The following STX8 variants were observed in gnomAD, a reference collection of about 807,000 sequenced individuals.
The protein encoded by STX8 is syntaxin-8.
In STX8, 23 loss-of-function variants were observed where a neutral mutation model predicts 37.5. The ratio of observed to expected loss-of-function variants is 0.61; its 90% CI spans 0.44 to 0.87. The LOEUF is 0.87. Among genes scored for constraint, STX8 ranks in the 40% least tolerant of loss-of-function variants. The pLI is 0.00. For missense variants in STX8, 313 were observed against 284.7 expected (o/e 1.10, Z -0.71); for synonymous variants, 115 against 99.1 (o/e 1.16, Z -0.95).
chr17:9,315,841 G>A (rs1909365853), intron 7 of STX8, among the ~76,000 whole-genome samples: 1 of 152,012 alleles, frequency 6.6e-6, no homozygotes, highest in Non-Finnish European at 1.5e-5. Context: ...GTGAAACGCT[G>A]TCTCTACTAA....
At chr17:9,301,979 A>C (rs1908805111) in intron 7 of STX8, among the ~76,000 whole-genome samples, 1 of 152,144 alleles carries the variant, frequency 6.6e-6, no homozygotes, top group Admixed American at 6.5e-5. Flanking sequence ...TCTTTTCTGT[A>C]TTCTGAAATA....
intron 1 of STX8, among the ~76,000 whole-genome samples, chr17:9,570,916 G>A (rs1190876005): frequency 6.6e-6 from 1 of 152,170 alleles, no homozygotes; most frequent in Non-Finnish European, 1.5e-5. Context: ...ACAGGAGGGA[G>A]GAGCACATTC....
At chr17:9,286,036 G>C (rs1908060147) in intron 7 of STX8, among the ~76,000 whole-genome samples, 1 of 151,650 alleles carries the variant, frequency 6.6e-6, no homozygotes, top group Non-Finnish European at 1.5e-5. Flanking sequence ...ACTTGGTAAG[G>C]CTTAAAAAAA....
chr17:9,450,101 T>C (rs1033122917), intron 6 of STX8, among the ~76,000 whole-genome samples: 4 of 151,860 alleles, frequency 2.6e-5, no homozygotes, highest in Non-Finnish European at 4.4e-5. Flanking sequence ...TTTTTTGAGA[T>C]GGAGTCTCGC....
intron 6 of STX8, 42 bp from the exon 7 acceptor site, chr17:9,378,695 C>A (rs189359527): frequency 1.4e-6 from 2 of 1,426,186 alleles, no homozygotes; most frequent in South Asian, 2.3e-5. Context: ...TGAAATACCC[C>A]GGTTCACATC....
intron 6 of STX8, among the ~76,000 whole-genome samples, chr17:9,393,882 T>C (rs1197537973): frequency 6.6e-6 from 1 of 152,182 alleles, no homozygotes; most frequent in African/African-American, 2.4e-5. Flanking sequence ...TCTGGAGCAA[T>C]GGAATGGTTC....
At chr17:9,458,922 C>T (rs1229450308) in intron 6 of STX8, among the ~76,000 whole-genome samples, 1 of 151,186 alleles carries the variant, frequency 6.6e-6, no homozygotes, top group African/African-American at 2.4e-5. Context: ...CTCCACCTCC[C>T]GGGTTCACGC....
intron 6 of STX8, among the ~76,000 whole-genome samples, chr17:9,414,141 T>TCTAC (rs1913095321): frequency 4.9e-5 from 1 of 20,450 alleles, no homozygotes. Flanking sequence ...CATCCATCCA[T>TCTAC]CCATCCATCC....
intron 7 of STX8, among the ~76,000 whole-genome samples, chr17:9,326,715 G>A (rs1345838356): frequency 6.6e-6 from 1 of 152,192 alleles, no homozygotes; most frequent in African/African-American, 2.4e-5. Flanking sequence ...GAAGGGACAT[G>A]GGAGACTGCA....
At chr17:9,315,650 C>T (rs1412097791) in intron 7 of STX8, among the ~76,000 whole-genome samples, 1 of 152,188 alleles carries the variant, frequency 6.6e-6, no homozygotes, top group Admixed American at 6.5e-5. Context: ...ATGCTTCCCT[C>T]TCTCAAAGTG....
intron 7 of STX8, chr17:9,273,248 G>A (rs1260239544): frequency 6.6e-6 from 1 of 152,230 alleles, no homozygotes; most frequent in Non-Finnish European, 1.5e-5. Context: ...GAGGATAAAT[G>A]AGATACGTGG....
At chr17:9,325,223 G>A (rs996437374) in intron 7 of STX8, among the ~76,000 whole-genome samples, 1 of 152,168 alleles carries the variant, frequency 6.6e-6, no homozygotes, top group Non-Finnish European at 1.5e-5. Context: ...TTCAACTTAA[G>A]ATGGGTTTAT....
intron 2 of STX8, among the ~76,000 whole-genome samples, chr17:9,559,336 A>G (rs1907113695): frequency 6.6e-6 from 1 of 152,188 alleles, no homozygotes; most frequent in Non-Finnish European, 1.5e-5. Flanking sequence ...TTTTCAAAAA[A>G]TATTAGCAAA....
chr17:9,312,846 G>A (rs763870408), intron 7 of STX8, among the ~76,000 whole-genome samples: 4 of 152,110 alleles, frequency 2.6e-5, no homozygotes, highest in South Asian at 2.1e-4. Context: ...TGGATAGATC[G>A]TCAAGGTAGA....
At chr17:9,295,950 G>C (rs981152595) in intron 7 of STX8, among the ~76,000 whole-genome samples, 7 of 151,828 alleles carry the variant, frequency 4.6e-5, no homozygotes, top group African/African-American at 1.4e-4. Context: ...CAGCACTTTG[G>C]GAGGCCAAGG....
intron 6 of STX8, among the ~76,000 whole-genome samples, chr17:9,428,150 T>A (rs11653342): frequency 6.6e-6 from 1 of 151,602 alleles, no homozygotes; most frequent in Non-Finnish European, 1.5e-5. Context: ...GAACAGGGGG[T>A]AGTCATCCTG....
intron 3 of STX8, among the ~76,000 whole-genome samples, chr17:9,552,130 G>A (rs554038506): frequency 3.9e-5 from 6 of 152,174 alleles, no homozygotes; most frequent in South Asian, 4.2e-4. Context: ...GTGGAGGATC[G>A]CTTGAGACTA....
intron 7 of STX8, among the ~76,000 whole-genome samples, chr17:9,324,365 T>C (rs1909687056): frequency 6.6e-6 from 1 of 151,852 alleles, no homozygotes; most frequent in Admixed American, 6.6e-5. Context: ...CTCTGGAGGG[T>C]GATACCTAGA....
chr17:9,300,789 T>C (rs1908743836), intron 7 of STX8, among the ~76,000 whole-genome samples: 2 of 151,800 alleles, frequency 1.3e-5, no homozygotes, highest in Admixed American at 1.3e-4. Flanking sequence ...TCCAAATTAA[T>C]GATATGTATT....
Sources: allele counts gnomAD v4.1 joint callset (sites outside exome capture counted in the v4.1 genomes callset), GRCh38; gene constraint gnomAD v4.1.1; transcripts MANE v1.5; gene names NCBI Gene and HGNC (gene_info 2026-07-23, HGNC 2026-07-21).